PCCA: variants seen among roughly 807,000 people sequenced by gnomAD.
PCCA encodes the protein propionyl-CoA carboxylase subunit alpha, also known as propionyl-CoA carboxylase alpha chain, mitochondrial.
A neutral mutation model predicts 101.3 loss-of-function variants in PCCA; 74 were observed. That is an observed-to-expected ratio of 0.73 (90% CI 0.61 to 0.89). The LOEUF (loss-of-function observed/expected upper bound fraction) is 0.89, where lower values mean the gene tolerates loss of function less well. PCCA is among the 40% of genes least tolerant of loss of function. The pLI, the probability that PCCA is intolerant of heterozygous loss-of-function variation, is 0.00. For missense variants in PCCA, 891 were observed against 907.0 expected, an observed-to-expected ratio of 0.98 and a Z score of 0.23; for synonymous variants, 294 against 313.6, an observed-to-expected ratio of 0.94 and a Z score of 0.66.
intron 6 of PCCA, among the ~76,000 whole-genome samples, chr13:100,174,086 A>C (rs2055994833): frequency 6.6e-6 from 1 of 152,144 alleles, no homozygotes; most frequent in African/African-American, 2.4e-5. Context: ...GGATTGTCAG[A>C]TACTATATGA....
chr13:100,385,751 T>G (rs1389449805), intron 19 of PCCA, among the ~76,000 whole-genome samples: 1 of 152,166 alleles, frequency 6.6e-6, no homozygotes, highest in Non-Finnish European at 1.5e-5. Context: ...GGCTCCTGAA[T>G]AGCTGAATAG....
chr13:100,386,796 C>G (rs1295394888), intron 19 of PCCA, among the ~76,000 whole-genome samples: 2 of 152,202 alleles, frequency 1.3e-5, no homozygotes, highest in Non-Finnish European at 2.9e-5. Flanking sequence ...CCACAAGAAA[C>G]TGGGACCCAT....
At chr13:100,507,505 T>C (rs1020119990) in intron 21 of PCCA, among the ~76,000 whole-genome samples, 4 of 152,174 alleles carry the variant, frequency 2.6e-5, no homozygotes, top group Non-Finnish European at 5.9e-5. Flanking sequence ...TGGGGCAGCT[T>C]CCTAGACGCT....
intron 8 of PCCA, among the ~76,000 whole-genome samples, chr13:100,241,472 C>T (rs1359623626): frequency 5.3e-5 from 8 of 151,920 alleles, no homozygotes; most frequent in Non-Finnish European, 8.8e-5. Context: ...CACATTTTGT[C>T]TGTTTTTTAT....
At chr13:100,143,655 G>T (rs2052183431) in intron 4 of PCCA, among the ~76,000 whole-genome samples, 1 of 151,928 alleles carries the variant, frequency 6.6e-6, no homozygotes, top group South Asian at 2.1e-4. Context: ...CTGTCTTCGG[G>T]TATAGAATGA....
chr13:100,172,031 C>CA (rs3034651), intron 6 of PCCA, among the ~76,000 whole-genome samples: 24,007 of 100,576 alleles, frequency 0.24, 2,327 homozygotes, highest in Non-Finnish European at 0.28. Context: ...GACTCTGTCT[C>CA]AAAAAAAAAA....
At chr13:100,430,272 C>T (rs966275381) in intron 20 of PCCA, among the ~76,000 whole-genome samples, 1 of 152,010 alleles carries the variant, frequency 6.6e-6, no homozygotes, top group Non-Finnish European at 1.5e-5. Context: ...GTCTCAAAAA[C>T]AAACAAACAA....
intron 6 of PCCA, among the ~76,000 whole-genome samples, chr13:100,196,604 C>G (rs1032973727): frequency 1.7e-4 from 26 of 151,976 alleles, no homozygotes; most frequent in Non-Finnish European, 5.9e-5. Flanking sequence ...AATCCAGATC[C>G]CAGTAATACT....
At chr13:100,392,284 A>C (rs1196255478) in intron 19 of PCCA, among the ~76,000 whole-genome samples, 6 of 151,938 alleles carry the variant, frequency 3.9e-5, no homozygotes, top group Non-Finnish European at 7.4e-5. Flanking sequence ...GGTCATGGAA[A>C]CTCTTTAATA....
intron 22 of PCCA, chr13:100,527,430 G>T: frequency 1.8e-6 from 1 of 560,576 alleles, no homozygotes; most frequent in South Asian, 1.6e-5. Flanking sequence ...CCCGCCGCCA[G>T]GGTCCCCACT....
chr13:100,150,732 C>T (rs1302620092), intron 4 of PCCA: 3 of 1,585,412 alleles, frequency 1.9e-6, no homozygotes, highest in Non-Finnish European at 2.6e-6. Flanking sequence ...GAATCTTCAC[C>T]AACCCAGTAA....
At chr13:100,119,415 A>T (rs1158220136) in intron 4 of PCCA, among the ~76,000 whole-genome samples, 1 of 152,078 alleles carries the variant, frequency 6.6e-6, no homozygotes, top group African/African-American at 2.4e-5. Flanking sequence ...GCCAGGTAGG[A>T]TAGGTGGTAT....
chr13:100,368,296 C>A (rs1440353277), intron 18 of PCCA, among the ~76,000 whole-genome samples, 176 bp from the exon 19 acceptor site: 1 of 151,970 alleles, frequency 6.6e-6, no homozygotes, highest in Non-Finnish European at 1.5e-5. Context: ...ATGACTGTAA[C>A]AATTAGGCAA....
chr13:100,428,966 CG>C (rs1178351082), intron 20 of PCCA, among the ~76,000 whole-genome samples: 1 of 152,022 alleles, frequency 6.6e-6, no homozygotes, highest in African/African-American at 2.4e-5. Context: ...TTGTAGCTTA[CG>C]AGGTTTTTTT....
chr13:100,278,066 A>G (rs1265569435), intron 12 of PCCA, among the ~76,000 whole-genome samples: 13 of 152,152 alleles, frequency 8.5e-5, no homozygotes, highest in Non-Finnish European at 1.5e-4. Flanking sequence ...TTTGTAGCCT[A>G]TATTTTATTT....
chr13:100,478,640 G>C (rs1427032650), intron 21 of PCCA, among the ~76,000 whole-genome samples: 1 of 152,102 alleles, frequency 6.6e-6, no homozygotes, highest in Non-Finnish European at 1.5e-5. Flanking sequence ...AGGAGGGCTC[G>C]CCTGCCTCTT....
intron 17 of PCCA, among the ~76,000 whole-genome samples, chr13:100,332,002 C>T (rs2069681357): frequency 7.2e-6 from 1 of 139,554 alleles, no homozygotes; most frequent in South Asian, 2.3e-4. Context: ...TGTAGTGGCA[C>T]AGTCTTGGCT....
rs373980865 is a variant in PCCA at position 100,382,330 on chromosome 13, C to T, written c.1746+13756C>T. ...CAAGCTGTCCCTCTGAAGTCAAGTC[C>T]CTTCTCTCCAACATTCAGCTGCTTC... On this transcript the variant is annotated intron_variant, in intron 19 of 23. Transcript: ENST00000376285. Among the ~76,000 whole-genome samples, 166 of 152,222 alleles carry T rather than the reference C, an allele frequency of 1.1e-3. 6 individuals are homozygous for T. The South Asian group carries it at 0.031, about 29-fold the overall frequency.
intron 19 of PCCA, among the ~76,000 whole-genome samples, chr13:100,390,000 A>G (rs2076722882): frequency 6.6e-6 from 1 of 152,230 alleles, no homozygotes; most frequent in Non-Finnish European, 1.5e-5. Context: ...AGGGCCTGCT[A>G]GAAGCAGTCA....
Sources: gnomAD v4.1 joint callset for allele counts (sites outside exome capture counted in the v4.1 genomes callset) on GRCh38, gnomAD v4.1.1 for gene constraint, MANE v1.5 for transcripts, NCBI Gene and HGNC (gene_info 2026-07-23, HGNC 2026-07-21) for gene names.